The following BACE2 variants were observed in gnomAD, a reference collection of about 807,000 sequenced individuals.
The protein encoded by BACE2 is 56 kDa aspartic-like protease.
A neutral mutation model predicts 46.2 loss-of-function variants in BACE2; 17 were observed. The observed-to-expected ratio is 0.37, with a 90% CI of 0.25 to 0.55. The LOEUF (loss-of-function observed/expected upper bound fraction) is 0.55, where lower values mean the gene tolerates loss of function less well. Among genes scored for constraint, BACE2 ranks in the 20% least tolerant of loss-of-function variants. The pLI is 0.82. For synonymous variants in BACE2, 277 were observed against 295.9 expected, an observed-to-expected ratio of 0.94 and a Z score of 0.66; for missense variants, 595 against 698.1, an observed-to-expected ratio of 0.85 and a Z score of 1.66.
intron 2 of BACE2, 38 bp from the exon 3 acceptor site, chr21:41,237,475 T>C (rs773466841): frequency 7.4e-7 from 1 of 1,344,656 alleles, no homozygotes; most frequent in South Asian, 1.6e-5. Flanking sequence ...TAAAATAAAA[T>C]AAAATGAATA....
intron 1 of BACE2, chr21:41,181,263 C>T (rs1985111255): frequency 6.0e-6 from 1 of 167,018 alleles, no homozygotes. Flanking sequence ...TAGTCACAAA[C>T]AAAAATGAAC....
chr21:41,225,460 T>G (rs28629220), intron 1 of BACE2: 1 of 152,000 alleles, frequency 6.6e-6, no homozygotes, highest in Non-Finnish European at 1.5e-5. Context: ...TGATGCAACA[T>G]GAGGACGTCT....
rs1299081374 is a variant in BACE2 at position 41,226,275 on chromosome 21, C to G, written c.322C>G (p.Leu108Val). The change falls in exon 2 of 9, where the codon CTC becomes GTC. Residue 108 changes from leucine to valine, a missense_variant. Around this residue, in one of 3 missense-constraint regions of BACE2, gnomAD observed 248 missense variants for 261.4 expected, o/e 0.95. Coordinates refer to ENST00000330333, the MANE Select transcript of BACE2 (RefSeq NM_012105.5). Reference sequence around the variant, plus strand: ...CCTTAAAACATAAAAGCTACAGATTCTCGTTGACACTGGAAGCAGTAACTT... The same window carrying G: ...CCTTAAAACATAAAAGCTACAGATTGTCGTTGACACTGGAAGCAGTAACTT... ...IGTPPQKLQI[L>V]VDTGSSNFAV... 6.2e-7 allele frequency: 1 copy of G among 1,612,810 alleles called. No individual in the cohort carries two copies. Among genetic ancestry groups the G allele is most frequent in the Admixed American group, 1.7e-5 (1 of 59,858 alleles).
At chr21:41,208,708 G>C (rs1166883199) in intron 1 of BACE2, among the ~76,000 whole-genome samples, 1 of 152,100 alleles carries the variant, frequency 6.6e-6, no homozygotes, top group Non-Finnish European at 1.5e-5. Context: ...GAGGATGGGG[G>C]TGTTTGTTTT....
Position 41,275,528 on chromosome 21 carries a change from C to T in BACE2, c.1461C>T (p.Ile487=). 1 of 1,614,130 alleles carries T rather than the reference C, an allele frequency of 6.2e-7. No homozygotes were observed. Among genetic ancestry groups the T allele is most frequent in the Non-Finnish European group, 8.5e-7 (1 of 1,180,024 alleles). The change falls in exon 9 of 9, where the codon ATC becomes ATT. Residue 487 remains isoleucine, a synonymous_variant. Transcript: ENST00000330333. ...GTGGAGCCATCCTCCTTGTCTTAATCGTCCTGCTGCTGCTGCCGTTCCGGT... is the reference window on the plus strand; with the variant it reads ...GTGGAGCCATCCTCCTTGTCTTAATTGTCCTGCTGCTGCTGCCGTTCCGGT... ...SVCGAILLVL[I]VLLLLPFRCQ... is the part of the protein sequence containing the mutation.
chr21:41,251,003 T>C, intron 7 of BACE2, 102 bp downstream of exon 7: 1 of 1,158,244 alleles, frequency 8.6e-7, no homozygotes, highest in Non-Finnish European at 1.2e-6. Flanking sequence ...TAGATCTCTA[T>C]CACCACAATA....
At position 41,202,238 on chromosome 21, in the gene BACE2, G is replaced by A. The variant is rs369426463; in HGVS notation, c.313-24028G>A. Among the ~76,000 whole-genome samples, 18 of 152,344 alleles carry A rather than the reference G, an allele frequency of 1.2e-4. No homozygotes were observed. The East Asian group carries it at 1.9e-3, about 16-fold the overall frequency. Reference sequence around the variant, plus strand: ...TGATTAGGGGATTGTTGAAGGTGGTGTGAGGGCTGGATATTGACCCCAGAT... The same window carrying A: ...TGATTAGGGGATTGTTGAAGGTGGTATGAGGGCTGGATATTGACCCCAGAT... On this transcript the variant is annotated intron_variant, in intron 1 of 8. Transcript: ENST00000330333.
chr21:41,222,982 G>A (rs1262098094), intron 1 of BACE2, among the ~76,000 whole-genome samples: 5 of 152,208 alleles, frequency 3.3e-5, no homozygotes, highest in African/African-American at 7.2e-5. Context: ...TTCGGGACAC[G>A]CCAGGCGTGA....
chr21:41,261,249 A>G lies in BACE2; in HGVS notation c.1303+3923A>G, dbSNP rs182037748. ...AAAGTAGCTGAAACATCAGCATTAT[A>G]TGAGAATTTCCATTCCCTAAAAGCA... is the stretch of plus-strand genomic sequence containing the variant. On this transcript the variant is annotated intron_variant, in intron 8 of 8. Transcript: ENST00000330333. Among the ~76,000 whole-genome samples the G allele has an allele frequency of 1.6e-3, 237 of 152,336 alleles. 1 individual carries two copies. The highest frequency in any genetic ancestry group is 3.9e-3 in the South Asian group (19 of 4,828).
At chr21:41,230,953 C>T (rs531348826) in intron 2 of BACE2, among the ~76,000 whole-genome samples, 2 of 152,222 alleles carry the variant, frequency 1.3e-5, no homozygotes, top group South Asian at 2.1e-4. Context: ...TGACCCTCCA[C>T]GAATCTATTC....
chr21:41,254,868 C>A (rs1368850650), intron 7 of BACE2, among the ~76,000 whole-genome samples: 12 of 152,382 alleles, frequency 7.9e-5, no homozygotes, highest in African/African-American at 2.2e-4. Flanking sequence ...CTGCCTCCGT[C>A]AGGCTGCCTA....
chr21:41,190,263 A>T (rs777569624), intron 1 of BACE2, among the ~76,000 whole-genome samples: 1 of 152,232 alleles, frequency 6.6e-6, no homozygotes, highest in African/African-American at 2.4e-5. Context: ...AATAAAGACA[A>T]TAATAAGGTC....
chr21:41,192,533 T>C (rs1020550316), intron 1 of BACE2, among the ~76,000 whole-genome samples: 6 of 152,178 alleles, frequency 3.9e-5, no homozygotes, highest in African/African-American at 9.6e-5. Context: ...CCAAGAGCTC[T>C]CTCTCAGAAG....
chr21:41,253,114 CTA>C (rs1358240100), intron 7 of BACE2, among the ~76,000 whole-genome samples: 1 of 152,172 alleles, frequency 6.6e-6, no homozygotes, highest in Non-Finnish European at 1.5e-5. Flanking sequence ...TATTACAATG[CTA>C]TGTTTTCAGC....
chr21:41,247,722 G>C (rs545847973), intron 6 of BACE2, among the ~76,000 whole-genome samples: 19 of 152,368 alleles, frequency 1.2e-4, no homozygotes, highest in South Asian at 4.1e-4. Flanking sequence ...CGAAAACCAC[G>C]AGGTAGAGGG....
At chr21:41,187,893 T>A (rs1487659884) in intron 1 of BACE2, among the ~76,000 whole-genome samples, 9 of 152,210 alleles carry the variant, frequency 5.9e-5, no homozygotes, top group Admixed American at 3.9e-4. Flanking sequence ...TTCCATGTAA[T>A]CCATCAGGAA....
chr21:41,235,260 C>T (rs886831908), intron 2 of BACE2, among the ~76,000 whole-genome samples: 4 of 152,154 alleles, frequency 2.6e-5, no homozygotes, highest in Non-Finnish European at 5.9e-5. Context: ...TTAACTTTTT[C>T]TCTGCATCAT....
At chr21:41,213,811 G>A (rs564102257) in intron 1 of BACE2, among the ~76,000 whole-genome samples, 110 of 151,804 alleles carry the variant, frequency 7.2e-4, no homozygotes, top group African/African-American at 2.5e-3. Context: ...GGCAGGGCCC[G>A]GCATGGGGAG....
intron 1 of BACE2, among the ~76,000 whole-genome samples, chr21:41,202,262 A>G (rs762841282): frequency 6.6e-6 from 1 of 152,202 alleles, no homozygotes; most frequent in Admixed American, 6.5e-5. Flanking sequence ...TTGACCCCAG[A>G]TGAGTTTTTG....
Sources: allele counts gnomAD v4.1 joint callset (sites outside exome capture counted in the v4.1 genomes callset), GRCh38; gene constraint gnomAD v4.1.1; regional missense constraint gnomAD v4.1.1; transcripts MANE v1.5; gene names NCBI Gene and HGNC (gene_info 2026-07-23, HGNC 2026-07-21).